Variants in ZNF525 observed in about 807,000 individuals in gnomAD.
The protein encoded by ZNF525 is zinc finger protein 525.
In ZNF525, 33 loss-of-function variants were observed where a neutral mutation model predicts 37.6. That is an observed-to-expected ratio of 0.88 (90% CI 0.67 to 1.17). The LOEUF is 1.17. Ranked by LOEUF, ZNF525 falls within the 50% of genes most tolerant of loss-of-function variation. The pLI is 0.00. For synonymous variants in ZNF525, 170 were observed against 182.3 expected, an observed-to-expected ratio of 0.93 and a Z score of 0.54; for missense variants, 449 against 543.1, an observed-to-expected ratio of 0.83 and a Z score of 1.72.
chr19:53,376,673 C>T (rs924746265), intron 3 of ZNF525, among the ~76,000 whole-genome samples: 17 of 152,116 alleles, frequency 1.1e-4, no homozygotes, highest in African/African-American at 3.6e-4. Context: ...CTCCACATCT[C>T]GGGCTCAAAC....
intron 3 of ZNF525, among the ~76,000 whole-genome samples, chr19:53,380,423 A>T (rs751788254): frequency 6.6e-6 from 1 of 152,208 alleles, no homozygotes; most frequent in Non-Finnish European, 1.5e-5. Flanking sequence ...TGCTGTAAAT[A>T]TGAAGAATAT....
At chr19:53,370,961 C>T (rs2085484065) in intron 1 of ZNF525, among the ~76,000 whole-genome samples, 1 of 152,214 alleles carries the variant, frequency 6.6e-6, no homozygotes, top group Admixed American at 6.5e-5. Flanking sequence ...CCCTTTGCCC[C>T]AGTCACATTT....
intron 3 of ZNF525, chr19:53,379,568 C>T (rs2085544773): frequency 6.6e-6 from 1 of 152,148 alleles, no homozygotes; most frequent in African/African-American, 2.4e-5. Flanking sequence ...GTTTAGAATT[C>T]TGCAGTTTGT....
intron 3 of ZNF525, 59 bp downstream of exon 3, chr19:53,375,955 C>T (rs538796887): frequency 1.2e-6 from 2 of 1,610,976 alleles, no homozygotes; most frequent in East Asian, 2.2e-5. Flanking sequence ...TGTATTTTCT[C>T]TTTTTTTAGA....
chr19:53,366,681 G>A (rs1460222442), intron 1 of ZNF525, among the ~76,000 whole-genome samples: 2 of 151,950 alleles, frequency 1.3e-5, no homozygotes, highest in South Asian at 4.2e-4. Flanking sequence ...TGAGGGAGAG[G>A]AGGAGGGATT....
In ZNF525 at chr19:53,369,995, A is replaced by T. The variant is rs1189879644; in HGVS notation, c.-67-2220A>T. On this transcript the variant is annotated intron_variant, in intron 1 of 3. Coordinates refer to ENST00000474037, the MANE Select transcript of ZNF525 (RefSeq NM_001348156.2). ...CGCCTCGGCCTCCCAAAGTGCTGGG[A>T]TTACAGGCGTGAGCCACCGCGCCCG... Among the ~76,000 whole-genome samples, 3 of 149,968 alleles carry T rather than the reference A, an allele frequency of 2.0e-5. No individual in the cohort carries two copies. In the East Asian group the frequency reaches 6.1e-4, roughly 31 times the overall value.
intron 3 of ZNF525, among the ~76,000 whole-genome samples, chr19:53,378,467 T>C (rs2085536730): frequency 6.6e-6 from 1 of 151,776 alleles, no homozygotes. Context: ...GGCGGGAGAA[T>C]CTCTTGAGGC....
rs891124885 is a variant in ZNF525, at chr19:53,386,450, T to C, written c.*4431T>C. The stretch of plus-strand genomic sequence containing the variant: ...TCTGAGCATCACAATCACGTTACCA[T>C]ATCAAGCTGAAAATGTCACCACTAT... On this transcript the variant is annotated 3_prime_UTR_variant, in exon 4 of 4. Coordinates refer to ENST00000474037, the MANE Select transcript of ZNF525 (RefSeq NM_001348156.2). The C allele has an allele frequency of 7.1e-6, 5 of 701,366 alleles. No homozygotes were observed. Among genetic ancestry groups the C allele is most frequent in the Non-Finnish European group, 1.3e-5 (5 of 392,708 alleles). 43.4% of individuals were successfully genotyped at this position (701,366 alleles called of 1,614,324 possible). A position where few individuals can be genotyped will look rare whatever the true frequency, so the allele number is the denominator to read the frequency against.
chr19:53,369,985 A>G (rs188660615), intron 1 of ZNF525, among the ~76,000 whole-genome samples: 2,513 of 149,306 alleles, frequency 0.017, 47 homozygotes, highest in Non-Finnish European at 0.023. Flanking sequence ...CGGCCTCCCA[A>G]AGTGCTGGGA....
chr19:53,384,891 G>C lies in ZNF525; in HGVS notation c.*2872G>C. On this transcript the variant is annotated 3_prime_UTR_variant, in exon 4 of 4. Coordinates refer to ENST00000474037, the MANE Select transcript of ZNF525 (RefSeq NM_001348156.2). ...TACAGGAAAGCATTCCATTTTCCCTGCTTGGTTATTTACTCATTTGTCATT... is the reference window on the plus strand; with the variant it reads ...TACAGGAAAGCATTCCATTTTCCCTCCTTGGTTATTTACTCATTTGTCATT... The C allele has an allele frequency of 1.4e-6, 1 of 695,120 alleles. No homozygotes were observed. Among genetic ancestry groups the C allele is most frequent in the Non-Finnish European group, 2.6e-6 (1 of 382,024 alleles). 43.1% of individuals were successfully genotyped at this position (695,120 alleles called of 1,614,324 possible).
At chr19:53,378,539 A>C (rs35576253) in intron 3 of ZNF525, among the ~76,000 whole-genome samples, 1 of 151,940 alleles carries the variant, frequency 6.6e-6, no homozygotes, top group Non-Finnish European at 1.5e-5. Context: ...CTCAAAAACA[A>C]ACAAAAAAAG....
chr19:53,383,431 G>T lies in ZNF525; in HGVS notation c.*1412G>T. On this transcript the variant is annotated 3_prime_UTR_variant, in exon 4 of 4. Transcript: ENST00000474037. ...GAAGAATGTGACAAAGTTTACAGTC[G>T]CAAATCAAACCTCGAAAGACAGGAG... 9.6e-7 allele frequency: 1 copy of T among 1,044,772 alleles called. No individual in the cohort carries two copies. The highest frequency in any genetic ancestry group is 1.4e-6 in the Non-Finnish European group (1 of 705,466). The allele number at this position is 1,044,772 out of a possible 1,614,324, so 64.7% of individuals were successfully genotyped here.
intron 1 of ZNF525, among the ~76,000 whole-genome samples, chr19:53,369,715 C>CTTTTTTTTTTT (rs57431960): frequency 1.2e-5 from 1 of 81,202 alleles, no homozygotes; most frequent in African/African-American, 6.4e-5. Flanking sequence ...AAAGAAGTTT[C>CTTTTTTTTTTT]TTTTTTTTTT....
chr19:53,381,771 C>G lies in ZNF525; in HGVS notation c.1192C>G (p.Leu398Val). 9.5e-7 allele frequency: 1 copy of G among 1,054,374 alleles called. No homozygotes were observed. The highest frequency in any genetic ancestry group is 1.3e-5 in the South Asian group (1 of 79,642). The allele number at this position is 1,054,374 out of a possible 1,614,324, so 65.3% of individuals were successfully genotyped here. A position where few individuals can be genotyped will look rare whatever the true frequency, so the allele number is the denominator to read the frequency against. Reference sequence around the variant, plus strand: ...CAAGACCTTCAGTCATATGTCAACCCTTACATGCCATCGTAGACTTCATAC... The same window carrying G: ...CAAGACCTTCAGTCATATGTCAACCGTTACATGCCATCGTAGACTTCATAC... ...CGKTFSHMST[L>V]TCHRRLHTGE... The change falls in exon 4 of 4, where the codon CTT becomes GTT. Residue 398 changes from leucine (L) to valine (V), a missense_variant. Physicochemically the swap from Leu to Val is conservative, Grantham distance 32 (BLOSUM62 1). Coordinates refer to ENST00000474037, the MANE Select transcript of ZNF525 (RefSeq NM_001348156.2).
In ZNF525 at chr19:53,382,559, CCTT is replaced by C; in HGVS notation, c.*541_*543del. The C allele has an allele frequency of 1.5e-6, 1 of 664,940 alleles. No homozygotes were observed. Among genetic ancestry groups the C allele is most frequent in the Non-Finnish European group, 2.8e-6 (1 of 355,866 alleles). The allele number at this position is 664,940 out of a possible 1,614,324, so 41.2% of individuals were successfully genotyped here. Reference sequence around the variant, plus strand: ...TCATAGACGTCATACTGGAGAGAAACCTTAGAAGTGCAATGAGTGTGGCAAAAC... The same window carrying C: ...TCATAGACGTCATACTGGAGAGAAACAGAAGTGCAATGAGTGTGGCAAAAC... On this transcript the variant is annotated 3_prime_UTR_variant, in exon 4 of 4. Transcript: ENST00000474037.
Position 53,385,384 on chromosome 19 carries a change from A to G in ZNF525, c.*3365A>G, listed in dbSNP as rs1024548187. ...ATTCTGATGAAATTTAAACAAGAAG[A>G]AACATTAAATTTATGATGAGACCAG... On this transcript the variant is annotated 3_prime_UTR_variant, in exon 4 of 4. Coordinates refer to ENST00000474037, the MANE Select transcript of ZNF525 (RefSeq NM_001348156.2). 8.0e-5 allele frequency: 13 copies of G among 161,820 alleles called. No individual in the cohort carries two copies. Among genetic ancestry groups the G allele is most frequent in the Admixed American group, 6.4e-5 (1 of 15,542 alleles). 10.0% of individuals were successfully genotyped at this position (161,820 alleles called of 1,614,324 possible).
intron 2 of ZNF525, among the ~76,000 whole-genome samples, chr19:53,373,191 C>T (rs1334915096): frequency 6.6e-6 from 1 of 152,104 alleles, no homozygotes; most frequent in Non-Finnish European, 1.5e-5. Flanking sequence ...CTCCCAGGTT[C>T]AAGCGATTCT....
In ZNF525 at chr19:53,378,040, C is replaced by A. The variant is rs146809497; in HGVS notation, c.142+2144C>A. On this transcript the variant is annotated intron_variant, in intron 3 of 3. Transcript: ENST00000474037. The stretch of plus-strand genomic sequence containing the variant: ...ACTGTCCTGTCAGAAATAGCTTAGA[C>A]TGGCCAGCTGAGGTGGGTCATGCCT... 6.4e-3 allele frequency among the ~76,000 whole-genome samples: 978 copies of A among 152,292 alleles called. 7 individuals carry two copies. The highest frequency in any genetic ancestry group is 0.011 in the Non-Finnish European group (748 of 68,036).
rs2085577163 is a variant in ZNF525, at chr19:53,382,845, GATTCAA to G, written c.*829_*834del. 7.6e-7 allele frequency: 1 copy of G among 1,308,634 alleles called. No individual in the cohort carries two copies. Among genetic ancestry groups the G allele is most frequent in the African/African-American group, 1.5e-5 (1 of 68,464 alleles). 81.1% of individuals were successfully genotyped at this position (1,308,634 alleles called of 1,614,324 possible). ...TGTGAAGAATGTGATAAAGCTTTCA[GATTCAA>G]ATCAAACCTTGAAAGTCATAGGAGA... On this transcript the variant is annotated 3_prime_UTR_variant, in exon 4 of 4. Transcript: ENST00000474037.
Sources: gnomAD v4.1 joint callset for allele counts (sites outside exome capture counted in the v4.1 genomes callset) on GRCh38, gnomAD v4.1.1 for gene constraint, MANE v1.5 for transcripts, NCBI Gene and HGNC (gene_info 2026-07-23, HGNC 2026-07-21) for gene names.